CNTN5: variants seen among roughly 807,000 people sequenced by gnomAD.
CNTN5 encodes the protein contactin 5, also known as contactin-5.
CNTN5 carries 77 observed loss-of-function variants against 129.1 expected under a neutral mutation model. That is an observed-to-expected ratio of 0.60 (90% CI 0.50 to 0.72). The LOEUF (loss-of-function observed/expected upper bound fraction) is 0.72, where lower values mean the gene tolerates loss of function less well. Ranked by LOEUF, CNTN5 falls within the 30% of genes least tolerant of loss-of-function variation. The pLI, the probability that CNTN5 is intolerant of heterozygous loss-of-function variation, is 0.00. For missense variants in CNTN5, 1,478 were observed against 1,328.8 expected (o/e 1.11, Z -1.75); for synonymous variants, 509 against 465.6 (o/e 1.09, Z -1.20).
At chr11:99,622,745 C>T (rs79180182) in intron 3 of CNTN5, among the ~76,000 whole-genome samples, 3,073 of 152,040 alleles carry the variant, frequency 0.02, 105 homozygotes, top group East Asian at 0.17. Context: ...TGAAAAGGCC[C>T]GTTCCCTGGA....
chr11:99,422,128 A>G (rs542569012), intron 2 of CNTN5, among the ~76,000 whole-genome samples: 216 of 152,314 alleles, frequency 1.4e-3, no homozygotes, highest in African/African-American at 5.0e-3. Flanking sequence ...GGGAAGAATC[A>G]TGAACAGAAC....
At position 99,819,632 on chromosome 11, in the gene CNTN5, C is replaced by T; in HGVS notation, c.144C>T (p.Ser48=). Reference sequence around the variant, plus strand: ...GTTCATCTTCATCTCTCTTTGGTTCCAAAACCAGACCACGATACAGCAGCC... The same window carrying T: ...GTTCATCTTCATCTCTCTTTGGTTCTAAAACCAGACCACGATACAGCAGCC... ...KKSSSSSLFG[S]KTRPRYSSPS... is the part of the protein sequence containing the mutation. Residue 48 remains serine, a synonymous_variant, in exon 4 of 25, where the codon TCC becomes TCT. Coordinates refer to ENST00000524871, the MANE Select transcript of CNTN5 (RefSeq NM_014361.4). 1 of 1,613,032 alleles carries T rather than the reference C, an allele frequency of 6.2e-7. No homozygotes were observed.
At chr11:99,482,906 C>G (rs1458651790) in intron 2 of CNTN5, among the ~76,000 whole-genome samples, 2 of 151,956 alleles carry the variant, frequency 1.3e-5, no homozygotes, top group Non-Finnish European at 2.9e-5. Flanking sequence ...CGACTCCTAT[C>G]CAAAATACAA....
intron 6 of CNTN5, among the ~76,000 whole-genome samples, chr11:99,891,378 C>T (rs923324388): frequency 4.6e-5 from 7 of 152,052 alleles, no homozygotes; most frequent in South Asian, 2.1e-4. Flanking sequence ...TAGTTCAGAA[C>T]GTGCAGATTT....
chr11:100,154,202 T>C (rs1947159639), intron 13 of CNTN5, among the ~76,000 whole-genome samples: 1 of 152,108 alleles, frequency 6.6e-6, no homozygotes, highest in Non-Finnish European at 1.5e-5. Flanking sequence ...CATGCAGTGT[T>C]TGGCTTTCTG....
chr11:99,276,598 G>C (rs548675554), intron 1 of CNTN5, among the ~76,000 whole-genome samples: 1 of 151,580 alleles, frequency 6.6e-6, no homozygotes, highest in East Asian at 1.9e-4. Flanking sequence ...AATATAAATT[G>C]TTAAGAAGAA....
chr11:100,085,978 C>T (rs968280789), intron 13 of CNTN5, among the ~76,000 whole-genome samples: 5 of 151,812 alleles, frequency 3.3e-5, no homozygotes, highest in African/African-American at 1.2e-4. Context: ...TCAGAATTTG[C>T]AAAAATAGTT....
intron 2 of CNTN5, among the ~76,000 whole-genome samples, chr11:99,370,012 A>G (rs1409032536): frequency 1.3e-5 from 2 of 152,170 alleles, no homozygotes; most frequent in Non-Finnish European, 2.9e-5. Context: ...TGGGACCTAA[A>G]TCTACCAGGT....
At chr11:99,790,826 G>C (rs1255316584) in intron 3 of CNTN5, among the ~76,000 whole-genome samples, 1 of 152,030 alleles carries the variant, frequency 6.6e-6, no homozygotes, top group Non-Finnish European at 1.5e-5. Context: ...AACCTCGCCA[G>C]CATGTTATTT....
At chr11:100,105,980 T>A (rs7937050) in intron 13 of CNTN5, among the ~76,000 whole-genome samples, 1,718 of 152,268 alleles carry the variant, frequency 0.011, 37 homozygotes, top group African/African-American at 0.039. Context: ...AAAGTATACT[T>A]TTTAATGGAA....
chr11:100,171,870 T>C (rs1283522934), intron 13 of CNTN5, among the ~76,000 whole-genome samples: 1 of 151,988 alleles, frequency 6.6e-6, no homozygotes. Context: ...TAATATATAG[T>C]AGAAAAAAAT....
intron 3 of CNTN5, among the ~76,000 whole-genome samples, chr11:99,784,238 C>G (rs1468524327): frequency 6.6e-6 from 1 of 151,926 alleles, no homozygotes; most frequent in Non-Finnish European, 1.5e-5. Flanking sequence ...GTGGTTTGCT[C>G]CACCCATCAA....
At chr11:99,470,813 T>TA (rs200012905) in intron 2 of CNTN5, among the ~76,000 whole-genome samples, 1,833 of 68,740 alleles carry the variant, frequency 0.027, 35 homozygotes, top group African/African-American at 0.075. Context: ...ATCACAAATT[T>TA]ATTTTTTTTT....
rs183143919 is a variant in CNTN5, at chr11:99,134,674, G to C, written c.-210+113404G>C. ...GAAATTGATTGTAATAATTTGATGA[G>C]TTATAGGTAAATTATGTGTCAAGAT... On this transcript the variant is annotated intron_variant, in intron 1 of 24. Transcript: ENST00000524871. Among the ~76,000 whole-genome samples the C allele has an allele frequency of 8.5e-3, 1,286 of 152,070 alleles. 21 individuals carry two copies. The highest frequency in any genetic ancestry group is 0.029 in the African/African-American group (1,192 of 41,498).
chr11:99,527,452 A>G (rs1292934777), intron 2 of CNTN5, among the ~76,000 whole-genome samples: 2 of 152,208 alleles, frequency 1.3e-5, no homozygotes, highest in Non-Finnish European at 2.9e-5. Flanking sequence ...CTTTAAAATT[A>G]TAAAAATGTG....
At chr11:99,886,209 G>A (rs1003096368) in intron 6 of CNTN5, among the ~76,000 whole-genome samples, 9 of 151,922 alleles carry the variant, frequency 5.9e-5, no homozygotes, top group African/African-American at 2.2e-4. Flanking sequence ...ATATTCAGTT[G>A]CATTCATATT....
chr11:100,092,705 G>A (rs372852173), intron 13 of CNTN5, among the ~76,000 whole-genome samples: 6 of 152,226 alleles, frequency 3.9e-5, no homozygotes, highest in African/African-American at 1.4e-4. Context: ...ATAGGACTGT[G>A]CTCTTCCCCC....
At chr11:99,915,838 T>C (rs1340822619) in intron 6 of CNTN5, among the ~76,000 whole-genome samples, 1 of 152,148 alleles carries the variant, frequency 6.6e-6, no homozygotes, top group Non-Finnish European at 1.5e-5. Flanking sequence ...TAAATAAAAA[T>C]AAAGAGTGTG....
At chr11:100,109,629 T>C (rs930646710) in intron 13 of CNTN5, among the ~76,000 whole-genome samples, 3 of 152,192 alleles carry the variant, frequency 2.0e-5, no homozygotes, top group African/African-American at 7.2e-5. Context: ...TTTCAACATA[T>C]ACTTCAGATA....
Sources: allele counts gnomAD v4.1 joint callset (sites outside exome capture counted in the v4.1 genomes callset), GRCh38; gene constraint gnomAD v4.1.1; transcripts MANE v1.5; gene names NCBI Gene and HGNC (gene_info 2026-07-23, HGNC 2026-07-21).